Variants in RBL1 observed in about 807,000 individuals in gnomAD.
RBL1 encodes RB transcriptional corepressor like 1.
A neutral mutation model predicts 123.0 loss-of-function variants in RBL1; 82 were observed. The ratio of observed to expected loss-of-function variants is 0.67; its 90% confidence interval spans 0.56 to 0.80. The LOEUF is 0.80. Ranked by LOEUF, RBL1 falls within the 30% of genes least tolerant of loss-of-function variation. The probability of loss-of-function intolerance (pLI) is 0.00; values close to 1 mark genes in which losing one functional copy is unlikely to be tolerated. For missense variants in RBL1, 1,171 were observed against 1,299.6 expected, an observed-to-expected ratio of 0.90 and a Z score of 1.52; for synonymous variants, 405 against 441.3, an observed-to-expected ratio of 0.92 and a Z score of 1.03.
At chr20:37,045,232 G>C (rs146998439) in intron 12 of RBL1, among the ~76,000 whole-genome samples, 2 of 151,678 alleles carry the variant, frequency 1.3e-5, no homozygotes, top group African/African-American at 2.4e-5. Flanking sequence ...TCAGCCTCCC[G>C]GGTAGCTGGG....
intron 16 of RBL1, among the ~76,000 whole-genome samples, chr20:37,025,155 C>T (rs777015607): frequency 6.6e-6 from 1 of 152,136 alleles, no homozygotes; most frequent in East Asian, 1.9e-4. Context: ...CAGTGTCTGT[C>T]TCCTCTTCTG....
rs539948926 is a variant in RBL1, at chr20:37,018,238, C to T, written c.2722+41G>A. ...CCACTGTATTATGTACAGTGTGATC[C>T]AATGTGTTTTACATATAATATGTTA... On this transcript the variant is annotated intron_variant, in intron 19 of 21. Coordinates refer to ENST00000373664, the MANE Select transcript of RBL1 (RefSeq NM_002895.5). The T allele has an allele frequency of 5.8e-6, 9 of 1,564,596 alleles. No homozygotes were observed. In the East Asian group the frequency reaches 1.8e-4, roughly 32 times the overall value.
At chr20:37,040,511 C>T (rs2064704692) in intron 13 of RBL1, among the ~76,000 whole-genome samples, 1 of 151,980 alleles carries the variant, frequency 6.6e-6, no homozygotes, top group African/African-American at 2.4e-5. Flanking sequence ...TGCCATCATG[C>T]CCGGCTAATT....
intron 19 of RBL1, among the ~76,000 whole-genome samples, chr20:37,013,189 C>T (rs950223990): frequency 2.0e-5 from 3 of 152,154 alleles, no homozygotes; most frequent in African/African-American, 4.8e-5. Flanking sequence ...GGATGGTTGC[C>T]GTGTCTGTGT....
At position 37,032,890 on chromosome 20, in the gene RBL1, C is replaced by T. The variant is rs1284405499; in HGVS notation, c.2171-14G>A. On this transcript the variant is annotated splice_polypyrimidine_tract_variant and intron_variant, in intron 15 of 21. Coordinates refer to ENST00000373664, the MANE Select transcript of RBL1 (RefSeq NM_002895.5). ...CATTTGCGACACCTGAATGTATAAG[C>T]ATTATTAGAAATAATCTGCATATGT... 6.2e-7 allele frequency: 1 copy of T among 1,612,888 alleles called. No individual in the cohort carries two copies. Among genetic ancestry groups the T allele is most frequent in the Non-Finnish European group, 8.5e-7 (1 of 1,179,602 alleles).
At chr20:37,069,171 G>A (rs929507941) in intron 2 of RBL1, among the ~76,000 whole-genome samples, 10 of 152,226 alleles carry the variant, frequency 6.6e-5, no homozygotes, top group African/African-American at 2.2e-4. Context: ...GTGCAGTGGC[G>A]TGATCTCGGC....
In RBL1 at chr20:37,067,257, A is replaced by G. The variant is rs774654508; in HGVS notation, c.532T>C (p.Trp178Arg). 1 of 1,606,916 alleles carries G rather than the reference A, an allele frequency of 6.2e-7. No homozygotes were observed. The highest frequency in any genetic ancestry group is 8.5e-7 in the Non-Finnish European group (1 of 1,178,112). The part of the protein sequence containing the change: ...CSVKDLFNFC[W>R]TLFVYTKGNF... The stretch of plus-strand genomic sequence containing the variant: ...CCCTTAGTATAAACAAAAAGTGTCC[A>G]ACAGAAATTAAACAGATCCTTAACA... Residue 178 changes from tryptophan (W) to arginine (R), a missense_variant, in exon 4 of 22, where the codon TGG becomes CGG. Coordinates refer to ENST00000373664, the MANE Select transcript of RBL1 (RefSeq NM_002895.5).
chr20:37,083,354 G>C (rs1244015550), intron 2 of RBL1, among the ~76,000 whole-genome samples: 2 of 151,998 alleles, frequency 1.3e-5, no homozygotes, highest in South Asian at 2.1e-4. Context: ...TGTAGTCCCA[G>C]CTACTCAGGA....
At chr20:37,012,785 G>C (rs1168881911) in intron 19 of RBL1, among the ~76,000 whole-genome samples, 3 of 149,848 alleles carry the variant, frequency 2.0e-5, no homozygotes, top group Non-Finnish European at 1.5e-5. Context: ...CCGGGAGGGA[G>C]GTGGGGGGGT....
intron 2 of RBL1, among the ~76,000 whole-genome samples, chr20:37,073,675 G>T (rs1259298367): frequency 7.5e-6 from 1 of 133,326 alleles, no homozygotes; most frequent in Non-Finnish European, 1.5e-5. Context: ...TCCAGTCTGG[G>T]TGACAGAGTG....
At chr20:37,028,157 G>A (rs2064454291) in intron 16 of RBL1, among the ~76,000 whole-genome samples, 2 of 152,162 alleles carry the variant, frequency 1.3e-5, no homozygotes, top group South Asian at 4.1e-4. Flanking sequence ...CTGAGGTCAG[G>A]AGTTTGAGAC....
chr20:37,056,833 G>A (rs1272957718), intron 9 of RBL1, among the ~76,000 whole-genome samples: 7 of 152,112 alleles, frequency 4.6e-5, no homozygotes, highest in Non-Finnish European at 7.3e-5. Flanking sequence ...ACTATACTAT[G>A]TACCTTATAT....
At chr20:37,033,444 A>G (rs1231557299) in intron 15 of RBL1, among the ~76,000 whole-genome samples, 1 of 151,492 alleles carries the variant, frequency 6.6e-6, no homozygotes, top group Admixed American at 6.6e-5. Flanking sequence ...CGGCCTCCCA[A>G]AGTGCTGGGA....
In RBL1 at chr20:37,056,181, G is replaced by A. The variant is rs765589348; in HGVS notation, c.1328C>T (p.Thr443Ile). The stretch of plus-strand genomic sequence containing the variant: ...TCCTGGCTGTTCATCTGTTGATTGA[G>A]TATAGTGTTGACAGAAAGTCTCTCC... ...GIGETFCQHY[T>I]QSTDEQPGSH... Residue 443 changes from threonine to isoleucine, a missense_variant, in exon 10 of 22, where the codon ACT (threonine) becomes ATT (isoleucine). Coordinates refer to ENST00000373664, the MANE Select transcript of RBL1 (RefSeq NM_002895.5). The A allele has an allele frequency of 2.5e-6, 4 of 1,610,674 alleles. No individual in the cohort carries two copies. The highest frequency in any genetic ancestry group is 1.7e-5 in the Admixed American group (1 of 59,888).
At chr20:37,005,474 T>C (rs1600442837) in intron 20 of RBL1, among the ~76,000 whole-genome samples, 1 of 151,428 alleles carries the variant, frequency 6.6e-6, no homozygotes, top group East Asian at 1.9e-4. Flanking sequence ...ACAAGCTCTC[T>C]CTACACACAT....
intron 2 of RBL1, among the ~76,000 whole-genome samples, chr20:37,080,666 C>T (rs2065434779): frequency 6.6e-6 from 1 of 152,056 alleles, no homozygotes; most frequent in Non-Finnish European, 1.5e-5. Flanking sequence ...ACCATGTTGG[C>T]CAGGCTGGTC....
intron 9 of RBL1, among the ~76,000 whole-genome samples, chr20:37,056,884 AACTTC>A (rs1482351383): frequency 6.6e-6 from 1 of 152,180 alleles, no homozygotes; most frequent in Non-Finnish European, 1.5e-5. Flanking sequence ...GTGATTGACT[AACTTC>A]ACTTAACATA....
chr20:37,034,166 G>A (rs1456328602), intron 15 of RBL1, among the ~76,000 whole-genome samples: 1 of 151,312 alleles, frequency 6.6e-6, no homozygotes, highest in East Asian at 2.0e-4. Context: ...CAAACTCCTG[G>A]GCTAAAGTGA....
intron 8 of RBL1, 118 bp from the exon 9 acceptor site, chr20:37,061,387 G>A (rs1027946068): frequency 7.4e-7 from 1 of 1,351,520 alleles, no homozygotes; most frequent in Non-Finnish European, 9.7e-7. Flanking sequence ...GAAATTTTTA[G>A]CAATACTATG....
Sources: allele counts gnomAD v4.1 joint callset (sites outside exome capture counted in the v4.1 genomes callset), GRCh38; gene constraint gnomAD v4.1.1; transcripts MANE v1.5; gene names NCBI Gene and HGNC (gene_info 2026-07-23, HGNC 2026-07-21).